The following TP63 variants were observed in gnomAD, a reference collection of about 807,000 sequenced individuals.
The protein encoded by TP63 is tumor protein 63.
Under a neutral mutation model 82.8 loss-of-function variants are expected in TP63, and 17 were observed. The ratio of observed to expected loss-of-function variants is 0.21; its 90% confidence interval spans 0.14 to 0.31. The LOEUF (loss-of-function observed/expected upper bound fraction) is 0.31, where lower values mean the gene tolerates loss of function less well. TP63 is among the 10% of genes least tolerant of loss of function. TP63 has a pLI of 1.00. For synonymous variants in TP63, 330 were observed against 321.7 expected, an observed-to-expected ratio of 1.03 and a Z score of -0.28; for missense variants, 648 against 895.3, an observed-to-expected ratio of 0.72 and a Z score of 3.52.
chr3:189,763,925 C>A (rs1407318369), intron 3 of TP63, among the ~76,000 whole-genome samples: 1 of 151,998 alleles, frequency 6.6e-6, no homozygotes, highest in African/African-American at 2.4e-5. Context: ...AACCCTACAG[C>A]AAGATAAATT....
intron 1 of TP63, among the ~76,000 whole-genome samples, chr3:189,732,017 T>C (rs1258519275): frequency 1.3e-5 from 2 of 152,238 alleles, no homozygotes; most frequent in African/African-American, 4.8e-5. Flanking sequence ...TCCCCTAACA[T>C]AGACCGTTAA....
At chr3:189,628,092 G>A (rs1560069527), upstream of TP63, among the ~76,000 whole-genome samples, 1 of 152,122 alleles carries the variant, frequency 6.6e-6, no homozygotes, top group Admixed American at 6.6e-5. Context: ...TACAGGAGAT[G>A]AGTCTATTCA....
intron 3 of TP63, among the ~76,000 whole-genome samples, chr3:189,777,449 C>T (rs1031758450): frequency 2.6e-5 from 4 of 151,978 alleles, no homozygotes; most frequent in Admixed American, 6.6e-5. Context: ...CACCCGCCTC[C>T]GTCTCCCAAA....
chr3:189,686,371 A>G (rs1716439184), intron 1 of TP63, among the ~76,000 whole-genome samples: 1 of 152,166 alleles, frequency 6.6e-6, no homozygotes, highest in Non-Finnish European at 1.5e-5. Context: ...ATGGCTGGAA[A>G]CAGAGCTCTC....
chr3:189,867,738 C>T, intron 6 of TP63, 95 bp from the exon 7 acceptor site: 1 of 1,128,492 alleles, frequency 8.9e-7, no homozygotes, highest in Non-Finnish European at 1.3e-6. Context: ...ATCACTTCAT[C>T]AGAAGTGGAA....
intron 1 of TP63, among the ~76,000 whole-genome samples, chr3:189,646,556 C>CT (rs1712440639): frequency 6.8e-6 from 1 of 146,824 alleles, no homozygotes; most frequent in Non-Finnish European, 1.5e-5. Flanking sequence ...CAATAAATGT[C>CT]TAATTTGATT....
intron 1 of TP63, among the ~76,000 whole-genome samples, chr3:189,725,388 T>C (rs962901885): frequency 2.0e-5 from 3 of 152,140 alleles, no homozygotes; most frequent in African/African-American, 7.2e-5. Flanking sequence ...GGAATATAAA[T>C]ATGTAAAAAT....
chr3:189,717,874 C>T (rs1420224683), intron 1 of TP63, among the ~76,000 whole-genome samples: 1 of 152,154 alleles, frequency 6.6e-6, no homozygotes, highest in Non-Finnish European at 1.5e-5. Flanking sequence ...TAACAGGAAA[C>T]ATATTAAATG....
chr3:189,601,629 T>G, the TP63 span, among the ~76,000 whole-genome samples: 1 of 152,216 alleles, frequency 6.6e-6, no homozygotes, highest in East Asian at 1.9e-4. Flanking sequence ...TTAAATTGCT[T>G]AGCTTTTCCT....
chr3:189,769,395 A>G (rs967999277), intron 3 of TP63, among the ~76,000 whole-genome samples: 3 of 152,160 alleles, frequency 2.0e-5, no homozygotes, highest in Admixed American at 6.5e-5. Context: ...GTAAAACACT[A>G]TTACAGATGT....
intron 1 of TP63, among the ~76,000 whole-genome samples, chr3:189,673,574 GA>G (rs1353986160): frequency 6.6e-6 from 1 of 152,022 alleles, no homozygotes; most frequent in African/African-American, 2.4e-5. Flanking sequence ...GTTAACAACT[GA>G]AAAACAATAA....
chr3:189,741,967 G>T (rs1721017303), intron 3 of TP63, among the ~76,000 whole-genome samples: 1 of 152,134 alleles, frequency 6.6e-6, no homozygotes, highest in African/African-American at 2.4e-5. Flanking sequence ...TTTAGGCCAG[G>T]TGCATTGGCT....
intron 3 of TP63, among the ~76,000 whole-genome samples, chr3:189,805,587 A>T (rs776988761): frequency 1.3e-4 from 20 of 152,262 alleles, no homozygotes; most frequent in Non-Finnish European, 1.9e-4. Context: ...GTTTCAGGAC[A>T]GTGGAAGAAC....
rs5855269 is a variant in TP63, at chr3:189,669,021, C to CAA, written c.62+37453_62+37454dup. Among the ~76,000 whole-genome samples the CAA allele has an allele frequency of 2.0e-3, 293 of 149,442 alleles. 1 individual carries two copies. The highest frequency in any genetic ancestry group is 3.4e-3 in the Admixed American group (51 of 14,976). Reference sequence around the variant, plus strand: ...CTTTAAAGCTAAAGATGAAAGAAACCAAAAAAAAAACCTTAAAATCCACCA... The same window carrying CAA: ...CTTTAAAGCTAAAGATGAAAGAAACCAAAAAAAAAAAACCTTAAAATCCACCA... On this transcript the variant is annotated intron_variant, in intron 1 of 13. Transcript: ENST00000264731.
intron 4 of TP63, among the ~76,000 whole-genome samples, chr3:189,863,687 A>G (rs1031728977): frequency 1.8e-4 from 28 of 152,156 alleles, no homozygotes; most frequent in Non-Finnish European, 2.9e-5. Flanking sequence ...CTTGTTTTAC[A>G]GTTTCAAGCG....
intron 10 of TP63, among the ~76,000 whole-genome samples, chr3:189,876,388 C>G (rs2108830254): frequency 6.6e-6 from 1 of 152,236 alleles, no homozygotes; most frequent in South Asian, 2.1e-4. Flanking sequence ...ATAAAATAAT[C>G]TGTGTCCCCA....
rs796764775 is a variant in TP63 at position 189,852,894 on chromosome 3, C to T, written c.580-11338C>T. Among the ~76,000 whole-genome samples, 28 of 152,246 alleles carry T rather than the reference C, an allele frequency of 1.8e-4. 1 individual carries two copies. Among genetic ancestry groups the T allele is most frequent in the African/African-American group, 6.0e-4 (25 of 41,550 alleles). On this transcript the variant is annotated intron_variant, in intron 4 of 13. Coordinates refer to ENST00000264731, the MANE Select transcript of TP63 (RefSeq NM_003722.5). The stretch of plus-strand genomic sequence containing the variant: ...ATATTTCATCCACAGTTAACATCCC[C>T]TTGCTTTTACTGATGATATTCTGTC...
chr3:189,890,718 A>G, intron 12 of TP63, 71 bp from the exon 13 acceptor site: 1 of 1,438,682 alleles, frequency 7.0e-7, no homozygotes, highest in South Asian at 1.2e-5. Flanking sequence ...GTTTTCCCTT[A>G]TCTCGCCAAT....
At chr3:189,645,521 T>A (rs1204767719) in intron 1 of TP63, 1 of 170,392 alleles carries the variant, frequency 5.9e-6, no homozygotes, top group Non-Finnish European at 1.2e-5. Flanking sequence ...TTTATTTTAT[T>A]ATACTTTAAG....
Sources: allele counts gnomAD v4.1 joint callset (sites outside exome capture counted in the v4.1 genomes callset), GRCh38; gene constraint gnomAD v4.1.1; transcripts MANE v1.5; gene names NCBI Gene and HGNC (gene_info 2026-07-23, HGNC 2026-07-21).